The following NOS1AP variants were observed in gnomAD, a reference collection of about 807,000 sequenced individuals.
NOS1AP encodes nitric oxide synthase 1 adaptor protein, also known as carboxyl-terminal PDZ ligand of neuronal nitric oxide synthase protein.
NOS1AP carries 21 observed loss-of-function variants against 56.2 expected under a neutral mutation model. That is an observed-to-expected ratio of 0.37 (90% CI 0.26 to 0.54). The LOEUF (loss-of-function observed/expected upper bound fraction) is 0.54, where lower values mean the gene tolerates loss of function less well. Among genes scored for constraint, NOS1AP ranks in the 20% least tolerant of loss-of-function variants. NOS1AP has a pLI of 0.84. For synonymous variants in NOS1AP, 270 were observed against 274.6 expected, an observed-to-expected ratio of 0.98 and a Z score of 0.17; for missense variants, 522 against 657.8, an observed-to-expected ratio of 0.79 and a Z score of 2.26.
chr1:162,300,753 C>T, intron 4 of NOS1AP, 47 bp downstream of exon 4: 1 of 1,536,216 alleles, frequency 6.5e-7, no homozygotes, highest in Non-Finnish European at 9.0e-7. Context: ...CCCCAGAGTC[C>T]TCCTGCCCCC....
chr1:162,192,468 G>A (rs1651676491), intron 2 of NOS1AP, among the ~76,000 whole-genome samples: 1 of 152,138 alleles, frequency 6.6e-6, no homozygotes, highest in South Asian at 2.1e-4. Context: ...TGGTCACTGG[G>A]GACACTAGGT....
At chr1:162,121,051 G>C (rs1571030591) in intron 1 of NOS1AP, among the ~76,000 whole-genome samples, 1 of 145,906 alleles carries the variant, frequency 6.9e-6, no homozygotes, top group Non-Finnish European at 1.5e-5. Context: ...ATAGAGAGAT[G>C]CCTTTCTGCT....
At position 162,341,253 on chromosome 1, in the gene NOS1AP, C is replaced by T. The variant is rs115287869; in HGVS notation, c.454-2582C>T. On this transcript the variant is annotated intron_variant, in intron 5 of 9. Transcript: ENST00000361897. Reference sequence around the variant, plus strand: ...TACAGAGATGATGGAATTTGTAACACGTCCTCCTTAGGAAAACCTGAGATG... The same window carrying T: ...TACAGAGATGATGGAATTTGTAACATGTCCTCCTTAGGAAAACCTGAGATG... Among the ~76,000 whole-genome samples, 850 of 152,254 alleles carry T rather than the reference C, an allele frequency of 5.6e-3. 4 individuals carry two copies. Among genetic ancestry groups the T allele is most frequent in the African/African-American group, 0.019 (804 of 41,550 alleles).
chr1:162,208,922 T>C (rs1019789830), intron 2 of NOS1AP, among the ~76,000 whole-genome samples: 5 of 152,240 alleles, frequency 3.3e-5, no homozygotes, highest in Non-Finnish European at 5.9e-5. Flanking sequence ...TTCATCATCT[T>C]CTATTAGCTC....
chr1:162,240,260 T>TGTGTGTGTGC (rs1186576302), intron 2 of NOS1AP, among the ~76,000 whole-genome samples: 2 of 143,816 alleles, frequency 1.4e-5, no homozygotes, highest in African/African-American at 4.9e-5. Flanking sequence ...TGTGTGTGTG[T>TGTGTGTGTGC]GTGTGTGTGT....
intron 6 of NOS1AP, among the ~76,000 whole-genome samples, chr1:162,354,949 C>T (rs1644363421): frequency 6.6e-6 from 1 of 152,224 alleles, no homozygotes; most frequent in Admixed American, 6.5e-5. Flanking sequence ...AAAACTTTTA[C>T]ATCCAGGCTT....
intron 2 of NOS1AP, among the ~76,000 whole-genome samples, chr1:162,217,814 G>C (rs935297619): frequency 6.6e-6 from 1 of 152,170 alleles, no homozygotes; most frequent in East Asian, 1.9e-4. Flanking sequence ...TTAACCTGCT[G>C]CCTGGTTTAT....
chr1:162,117,043 A>AG (rs1647989341), intron 1 of NOS1AP, among the ~76,000 whole-genome samples: 1 of 152,204 alleles, frequency 6.6e-6, no homozygotes, highest in Non-Finnish European at 1.5e-5. Flanking sequence ...GCTCTCATGA[A>AG]GCTTCTTGCA....
intron 2 of NOS1AP, among the ~76,000 whole-genome samples, chr1:162,204,334 T>C (rs1355534269): frequency 6.6e-6 from 1 of 152,252 alleles, no homozygotes; most frequent in East Asian, 1.9e-4. Flanking sequence ...TAGGTCATCT[T>C]ACAGGTTTCC....
At chr1:162,278,380 T>A (rs1394519588) in intron 2 of NOS1AP, among the ~76,000 whole-genome samples, 1 of 152,334 alleles carries the variant, frequency 6.6e-6, no homozygotes, top group East Asian at 1.9e-4. Context: ...TGCTGTGAAA[T>A]AGCATTACTA....
At chr1:162,243,859 A>G (rs1308220068) in intron 2 of NOS1AP, among the ~76,000 whole-genome samples, 1 of 152,174 alleles carries the variant, frequency 6.6e-6, no homozygotes, top group Admixed American at 6.5e-5. Context: ...TTGTTGGAGG[A>G]CCGTCTTCCC....
chr1:162,110,017 C>T (rs1647653107), intron 1 of NOS1AP, among the ~76,000 whole-genome samples: 1 of 152,152 alleles, frequency 6.6e-6, no homozygotes, highest in Non-Finnish European at 1.5e-5. Context: ...AATGCTCAAG[C>T]ACCCTTTGAA....
chr1:162,263,306 A>C (rs997852128), intron 2 of NOS1AP, among the ~76,000 whole-genome samples: 1 of 152,222 alleles, frequency 6.6e-6, no homozygotes, highest in Admixed American at 6.5e-5. Context: ...GCCTCTGGCA[A>C]AGCCCTTTAT....
At chr1:162,251,649 A>AAT (rs200026291) in intron 2 of NOS1AP, among the ~76,000 whole-genome samples, 37 of 140,090 alleles carry the variant, frequency 2.6e-4, no homozygotes, top group Admixed American at 5.0e-4. Flanking sequence ...TGTGTGTATA[A>AAT]ATATATATAT....
At chr1:162,352,886 T>TA (rs1316157580) in intron 6 of NOS1AP, among the ~76,000 whole-genome samples, 57 of 152,320 alleles carry the variant, frequency 3.7e-4, no homozygotes, top group Admixed American at 3.7e-3. Context: ...ACTTGACTGT[T>TA]ACACAGACTC....
At chr1:162,285,865 G>T (rs1210286801) in intron 2 of NOS1AP, among the ~76,000 whole-genome samples, 4 of 152,184 alleles carry the variant, frequency 2.6e-5, no homozygotes, top group Non-Finnish European at 5.9e-5. Flanking sequence ...GGTCATCAAT[G>T]ATGTAGGTTG....
chr1:162,190,985 T>C lies in NOS1AP; in HGVS notation c.177+36509T>C, dbSNP rs191143904. Among the ~76,000 whole-genome samples the C allele has an allele frequency of 9.1e-4, 138 of 152,234 alleles. 2 individuals carry two copies. In the Middle Eastern group the frequency reaches 0.02, roughly 23 times the overall value. On this transcript the variant is annotated intron_variant, in intron 2 of 9. Coordinates refer to ENST00000361897, the MANE Select transcript of NOS1AP (RefSeq NM_014697.3). The stretch of plus-strand genomic sequence containing the variant: ...CCATCATCAGGGTTTTTGAGGGCTG[T>C]GTCTTTTTCCAGAAGCAATGGCTCC...
At chr1:162,108,481 G>T (rs1338781363) in intron 1 of NOS1AP, among the ~76,000 whole-genome samples, 1 of 152,176 alleles carries the variant, frequency 6.6e-6, no homozygotes, top group African/African-American at 2.4e-5. Context: ...TAAAGGGAAA[G>T]AAATAAGCAT....
At chr1:162,131,665 G>A (rs977382355) in intron 1 of NOS1AP, among the ~76,000 whole-genome samples, 1 of 152,038 alleles carries the variant, frequency 6.6e-6, no homozygotes, top group Non-Finnish European at 1.5e-5. Flanking sequence ...TGCTGTCCAA[G>A]CTCAGCTGAA....
Sources: allele counts gnomAD v4.1 joint callset (sites outside exome capture counted in the v4.1 genomes callset), GRCh38; gene constraint gnomAD v4.1.1; transcripts MANE v1.5; gene names NCBI Gene and HGNC (gene_info 2026-07-23, HGNC 2026-07-21).